GPR55: variants seen among roughly 807,000 people sequenced by gnomAD.
GPR55 encodes the protein G protein-coupled receptor 55.
Under a neutral mutation model 7.9 loss-of-function variants are expected in GPR55, and 6 were observed. The ratio of observed to expected loss-of-function variants is 0.76; its 90% CI spans 0.41 to 1.49. The LOEUF is 1.49. Ranked by LOEUF, GPR55 falls within the 40% of genes most tolerant of loss-of-function variation. The probability of loss-of-function intolerance (pLI) is 0.01; values close to 1 mark genes in which losing one functional copy is unlikely to be tolerated. For synonymous variants in GPR55, 183 were observed against 166.8 expected (o/e 1.10, Z -0.75); for missense variants, 376 against 406.0 (o/e 0.93, Z 0.63).
chr2:230,930,087 G>T (rs1473926539), upstream of GPR55, among the ~76,000 whole-genome samples: 7 of 152,196 alleles, frequency 4.6e-5, no homozygotes, highest in Non-Finnish European at 1.0e-4. Flanking sequence ...GGGGCCAGGA[G>T]TCAAGGAATG....
At chr2:230,930,217 T>C (rs934554288), upstream of GPR55, among the ~76,000 whole-genome samples, 1 of 152,224 alleles carries the variant, frequency 6.6e-6, no homozygotes, top group Non-Finnish European at 1.5e-5. Flanking sequence ...GGGATAGGAG[T>C]GTGAGCAGAT....
chr2:230,910,997 C>A lies in GPR55; in HGVS notation c.-35G>T, dbSNP rs770400465. On this transcript the variant is annotated 5_prime_UTR_variant, in exon 2 of 2. Coordinates refer to ENST00000650999, the MANE Select transcript of GPR55 (RefSeq NM_005683.4). The surrounding 1 kb of genome is among the most constrained non-coding windows in gnomAD (Gnocchi z 5.4). ...TACAACACCAACAGATCAGACGGGG[C>A]TCCTTTCACTCTCTTGAAGTGATGG... is the stretch of plus-strand genomic sequence containing the variant. 1.9e-6 allele frequency: 3 copies of A among 1,558,100 alleles called. No individual in the cohort carries two copies. The South Asian group carries it at 3.7e-5, about 19-fold the overall frequency.
chr2:230,952,883 G>A (rs1212054280), intron 1 of GPR55, among the ~76,000 whole-genome samples: 1 of 152,188 alleles, frequency 6.6e-6, no homozygotes, highest in Non-Finnish European at 1.5e-5. Context: ...TGGCCCAGGT[G>A]CTGGCCGATG....
chr2:230,926,140 C>T (rs1690937150), upstream of GPR55, among the ~76,000 whole-genome samples: 1 of 152,206 alleles, frequency 6.6e-6, no homozygotes, highest in African/African-American at 2.4e-5. Flanking sequence ...GAAACTACTC[C>T]TGGGTTTTTT....
intron 1 of GPR55, among the ~76,000 whole-genome samples, chr2:230,921,391 C>T (rs1466515916): frequency 2.0e-5 from 3 of 152,162 alleles, no homozygotes; most frequent in African/African-American, 7.2e-5. Flanking sequence ...AAGTGTCTTT[C>T]ACAAAATTTA....
At chr2:230,943,083 G>A (rs936273958) in intron 1 of GPR55, among the ~76,000 whole-genome samples, 4 of 137,088 alleles carry the variant, frequency 2.9e-5, no homozygotes, top group Non-Finnish European at 6.5e-5. Context: ...AGAGAGAGGA[G>A]AGAAAGAGAG....
intron 1 of GPR55, among the ~76,000 whole-genome samples, chr2:230,936,996 C>T (rs1286880610): frequency 1.3e-5 from 2 of 152,206 alleles, no homozygotes; most frequent in Non-Finnish European, 1.5e-5. Flanking sequence ...TAGTTTTCCT[C>T]TTACCTCCCT....
intron 1 of GPR55, among the ~76,000 whole-genome samples, chr2:230,932,067 A>C (rs1420668365): frequency 6.6e-6 from 1 of 152,124 alleles, no homozygotes; most frequent in Non-Finnish European, 1.5e-5. Context: ...TTCACAGAAA[A>C]AAATCTCGGT....
intron 1 of GPR55, among the ~76,000 whole-genome samples, chr2:230,939,715 C>A (rs1442732023): frequency 6.6e-6 from 1 of 152,168 alleles, no homozygotes; most frequent in Non-Finnish European, 1.5e-5. Context: ...CAGGCCAGTG[C>A]TTGCTCTAAA....
rs547954066 is a variant in GPR55, at chr2:230,934,815, C to T, written c.-134-23719G>A. Reference sequence around the variant, plus strand: ...AGAGTGAAGAGCCGTCACTGCAGGTCGGCAAGGGAGCTTTGGGGATTAAGC... The same window carrying T: ...AGAGTGAAGAGCCGTCACTGCAGGTTGGCAAGGGAGCTTTGGGGATTAAGC... On this transcript the variant is annotated intron_variant, in intron 1 of 1. Transcript: ENST00000392039. Among the ~76,000 whole-genome samples the T allele has an allele frequency of 2.0e-3, 301 of 152,232 alleles. 3 individuals are homozygous for T. The highest frequency in any genetic ancestry group is 1.7e-3 in the Non-Finnish European group (115 of 68,014).
At chr2:230,939,620 A>G (rs1003829513) in intron 1 of GPR55, among the ~76,000 whole-genome samples, 4 of 152,006 alleles carry the variant, frequency 2.6e-5, no homozygotes, top group Non-Finnish European at 5.9e-5. Flanking sequence ...AGGATTCACA[A>G]CCCCTAAGGA....
intron 1 of GPR55, among the ~76,000 whole-genome samples, chr2:230,913,525 C>G (rs554318780): frequency 1.4e-4 from 22 of 152,300 alleles, no homozygotes; most frequent in Non-Finnish European, 2.5e-4. Flanking sequence ...ACTTTTCTCA[C>G]AGATTTATGT....
In GPR55 at chr2:230,907,991, G is replaced by A. The variant is rs1690492578; in HGVS notation, c.*2012C>T. The A allele has an allele frequency of 6.6e-6, 1 of 152,154 alleles. No homozygotes were observed. Among genetic ancestry groups the A allele is most frequent in the Admixed American group, 6.5e-5 (1 of 15,274 alleles). The allele number at this position is 152,154 out of a possible 1,614,324, so 9.4% of individuals were successfully genotyped here. A position where few individuals can be genotyped will look rare whatever the true frequency, so the allele number is the denominator to read the frequency against. ...ACTAAATCCACCACCCGTAGACACTGACCCGAACCAGCCCCAAATGCCCCG... is the reference window on the plus strand; with the variant it reads ...ACTAAATCCACCACCCGTAGACACTAACCCGAACCAGCCCCAAATGCCCCG... On this transcript the variant is annotated 3_prime_UTR_variant, in exon 2 of 2. Transcript: ENST00000650999.
intron 1 of GPR55, among the ~76,000 whole-genome samples, chr2:230,931,761 G>A (rs1018818811): frequency 1.3e-5 from 2 of 151,986 alleles, no homozygotes; most frequent in Non-Finnish European, 2.9e-5. Context: ...AGCATGCGGG[G>A]CCCCTCTGCT....
intron 1 of GPR55, among the ~76,000 whole-genome samples, chr2:230,933,138 G>A (rs1438148): frequency 0.042 from 6,347 of 151,546 alleles, 470 homozygotes; most frequent in East Asian, 0.36. Context: ...GTGCCCTGTC[G>A]CCTCCTGTGG....
At chr2:230,937,347 G>A (rs1057235721) in intron 1 of GPR55, among the ~76,000 whole-genome samples, 18 of 151,192 alleles carry the variant, frequency 1.2e-4, no homozygotes, top group Admixed American at 5.9e-4. Context: ...AGAGGCTCCC[G>A]TGAGTCGTGA....
upstream of GPR55, among the ~76,000 whole-genome samples, chr2:230,925,902 C>T (rs1340135372): frequency 3.3e-5 from 5 of 152,116 alleles, no homozygotes; most frequent in African/African-American, 1.2e-4. Context: ...ATTTCCCTGG[C>T]ATCTCCCACC....
chr2:230,910,595 A>T lies in GPR55; in HGVS notation c.368T>A (p.Ile123Asn), dbSNP rs1690567865. The T allele has an allele frequency of 1.2e-6, 2 of 1,613,854 alleles. No individual in the cohort carries two copies. Among genetic ancestry groups the T allele is most frequent in the African/African-American group, 1.3e-5 (1 of 74,922 alleles). ...GTGGCTCACCAGTAGCGGGTAACGG[A>T]TGGCCAAGAACCGGTCCATGCTGAT... ...CFISMDRFLA[I>N]RYPLLVSHLR... The change falls in exon 2 of 2, where the codon ATC becomes AAC. Residue 123 changes from isoleucine (I) to asparagine (N), a missense_variant. Ile to Asn is a moderately radical substitution (Grantham distance 149). Coordinates refer to ENST00000650999, the MANE Select transcript of GPR55 (RefSeq NM_005683.4). This position sits in a 1 kb window ranked among gnomAD's most constrained non-coding sequence, Gnocchi z 5.4.
intron 1 of GPR55, among the ~76,000 whole-genome samples, chr2:230,915,660 C>G (rs1431593331): frequency 6.6e-6 from 1 of 152,196 alleles, no homozygotes; most frequent in Non-Finnish European, 1.5e-5. Context: ...CCCAGAGGCC[C>G]TGCTGACACC....
Sources: gnomAD v4.1 joint callset for allele counts (sites outside exome capture counted in the v4.1 genomes callset) on GRCh38, gnomAD v4.1.1 for gene constraint, Gnocchi (gnomAD v3.1) non-coding constraint, MANE v1.5 for transcripts, NCBI Gene and HGNC (gene_info 2026-07-23, HGNC 2026-07-21) for gene names.